The following SLC12A5 variants were observed in gnomAD, a reference collection of about 807,000 sequenced individuals.
SLC12A5 encodes K-Cl cotransporter 2.
SLC12A5 carries 18 observed loss-of-function variants against 124.0 expected under a neutral mutation model. The ratio of observed to expected loss-of-function variants is 0.15; its 90% CI spans 0.10 to 0.22. SLC12A5 has a LOEUF of 0.22. Ranked by LOEUF, SLC12A5 falls within the 10% of genes least tolerant of loss-of-function variation. The probability of loss-of-function intolerance (pLI) is 1.00; values close to 1 mark genes in which losing one functional copy is unlikely to be tolerated. For synonymous variants in SLC12A5, 589 were observed against 568.0 expected, an observed-to-expected ratio of 1.04 and a Z score of -0.53; for missense variants, 867 against 1,478.7, an observed-to-expected ratio of 0.59 and a Z score of 6.78.
chr20:46,025,651 G>A (rs1462862270), upstream of SLC12A5, among the ~76,000 whole-genome samples: 1 of 152,180 alleles, frequency 6.6e-6, no homozygotes, highest in Non-Finnish European at 1.5e-5. Flanking sequence ...TGTTGCTATG[G>A]TGATGGGGCT....
At chr20:46,033,753 T>C (rs2084473955) in intron 1 of SLC12A5, among the ~76,000 whole-genome samples, 1 of 152,174 alleles carries the variant, frequency 6.6e-6, no homozygotes. Flanking sequence ...GCAGACATTA[T>C]CCTAGGTTCT....
intron 1 of SLC12A5, among the ~76,000 whole-genome samples, chr20:46,022,377 G>A (rs944259187): frequency 1.4e-4 from 20 of 141,146 alleles, no homozygotes; most frequent in Non-Finnish European, 2.6e-4. Context: ...GACTAGTAGG[G>A]AATGAGTTGG....
intron 21 of SLC12A5, among the ~76,000 whole-genome samples, chr20:46,055,480 G>A (rs1031538165): frequency 2.0e-5 from 3 of 152,080 alleles, no homozygotes; most frequent in African/African-American, 7.2e-5. Context: ...AGGGGTAATG[G>A]TGATAAGCCC....
Position 46,049,758 on chromosome 20 carries a change from G to A in SLC12A5, c.2149G>A (p.Glu717Lys). 6.2e-7 allele frequency: 1 copy of A among 1,601,890 alleles called. No individual in the cohort carries two copies. The highest frequency in any genetic ancestry group is 8.5e-7 in the Non-Finnish European group (1 of 1,175,010). The change falls in exon 17 of 26, where the codon GAA (glutamate) becomes AAA (lysine). Residue 717 changes from glutamate to lysine, a missense_variant. Physicochemically the swap from Glu to Lys is moderately conservative, Grantham distance 56 (BLOSUM62 1). This residue lies in a region of SLC12A5 where 110 missense variants were observed against 149.9 expected (regional missense o/e 0.73). Transcript: ENST00000243964. The stretch of plus-strand genomic sequence containing the variant: ...CTCTGTCCTTGAGGGCACCTTTCTG[G>A]AAAATCATCCACAGGCCCAGCGGGC... ...VGSVLEGTFLENHPQAQRAEE... is the reference protein window; with the variant it reads ...VGSVLEGTFLKNHPQAQRAEE...
chr20:46,028,970 C>T, upstream of SLC12A5: 1 of 274,396 alleles, frequency 3.6e-6, no homozygotes, highest in Non-Finnish European at 6.2e-6. Context: ...AGGCCCTGTC[C>T]CCCGAAGCAC....
At chr20:46,041,238 C>T in intron 7 of SLC12A5, 91 bp from the exon 8 acceptor site, 4 of 1,066,508 alleles carry the variant, frequency 3.8e-6, no homozygotes, top group Admixed American at 4.1e-5. Flanking sequence ...ACCTGGCGTC[C>T]GTGTGTTTAA....
At chr20:46,049,538 G>T in intron 16 of SLC12A5, 84 bp from the exon 17 acceptor site, 1 of 1,503,884 alleles carries the variant, frequency 6.6e-7, no homozygotes, top group South Asian at 1.2e-5. Context: ...AGGAGAGATG[G>T]CTAGATGACC....
rs6074001 is a variant in SLC12A5, at chr20:46,051,640, C to G, written c.2182-35C>G. The stretch of plus-strand genomic sequence containing the variant: ...TGGGCCCAGCCAGGGCCAGGGAGGC[C>G]TGAGGCTGGTCCTTGTCTTTTCCCC... On this transcript the variant is annotated intron_variant, in intron 17 of 25. Transcript: ENST00000243964. The G allele has an allele frequency of 5.1e-6, 8 of 1,580,406 alleles. No homozygotes were observed. The South Asian group carries it at 7.0e-5, about 14-fold the overall frequency.
chr20:46,048,663 G>A (rs1284455217), intron 16 of SLC12A5, among the ~76,000 whole-genome samples: 1 of 152,072 alleles, frequency 6.6e-6, no homozygotes, highest in Non-Finnish European at 1.5e-5. Context: ...TTGAGGCCAG[G>A]GGTTTGAGAC....
chr20:46,039,363 G>A (rs1378622094), intron 6 of SLC12A5, among the ~76,000 whole-genome samples: 9 of 152,238 alleles, frequency 5.9e-5, no homozygotes, highest in African/African-American at 4.8e-5. Flanking sequence ...ACTAATATAC[G>A]TATATATCTT....
At chr20:46,031,204 AGT>A (rs972207232) in intron 1 of SLC12A5, among the ~76,000 whole-genome samples, 11 of 152,150 alleles carry the variant, frequency 7.2e-5, no homozygotes, top group African/African-American at 2.4e-4. Context: ...AAGAGGCATC[AGT>A]GTGTGTGAGG....
chr20:46,046,904 C>G (rs990141334), intron 14 of SLC12A5, among the ~76,000 whole-genome samples: 1 of 152,260 alleles, frequency 6.6e-6, no homozygotes, highest in African/African-American at 2.4e-5. Context: ...CTGTAGTTCT[C>G]TCATCATTTT....
rs113745212 is a variant in SLC12A5, at chr20:46,055,963, G to A, written c.2788-187G>A. On this transcript the variant is annotated intron_variant, in intron 21 of 25. Transcript: ENST00000243964. ...TTGCCAGATGAGGTCTGGGGTTCTG[G>A]AGAGGAGGTGGGGCAGGCAGATCAG... 847 of 748,452 alleles carry A rather than the reference G, an allele frequency of 1.1e-3. 6 individuals carry two copies. In the African/African-American group the frequency reaches 0.013, roughly 12 times the overall value. 46.4% of individuals were successfully genotyped at this position (748,452 alleles called of 1,614,324 possible). A position where few individuals can be genotyped will look rare whatever the true frequency, so the allele number is the denominator to read the frequency against.
Position 46,058,788 on chromosome 20 carries a change from C to T in SLC12A5, c.*1183C>T, listed in dbSNP as rs1001332584. The T allele has an allele frequency of 7.8e-5, 31 of 398,284 alleles. No individual in the cohort carries two copies. The highest frequency in any genetic ancestry group is 1.2e-4 in the Non-Finnish European group (27 of 226,098). The allele number at this position is 398,284 out of a possible 1,614,324, so 24.7% of individuals were successfully genotyped here. A position where few individuals can be genotyped will look rare whatever the true frequency, so the allele number is the denominator to read the frequency against. ...TAGGGGCCGGACCCACTGAGAGGCCCCAGAGCCGCCCGTGATGTTCCTCCC... is the reference window on the plus strand; with the variant it reads ...TAGGGGCCGGACCCACTGAGAGGCCTCAGAGCCGCCCGTGATGTTCCTCCC... On this transcript the variant is annotated 3_prime_UTR_variant, in exon 26 of 26. Coordinates refer to ENST00000243964, the MANE Select transcript of SLC12A5 (RefSeq NM_020708.5). This position sits in a 1 kb window ranked among gnomAD's most constrained non-coding sequence, Gnocchi z 5.8.
At chr20:46,035,358 C>T (rs199921679) in intron 2 of SLC12A5, 46 bp from the exon 3 acceptor site, 1,411 of 1,586,740 alleles carry the variant, frequency 8.9e-4, no homozygotes, top group Middle Eastern at 2.9e-3. Flanking sequence ...CCAGCTCACT[C>T]CACTTGCTCC....
At chr20:46,030,260 A>G (rs1189618663) in intron 1 of SLC12A5, among the ~76,000 whole-genome samples, 1 of 151,972 alleles carries the variant, frequency 6.6e-6, no homozygotes, top group African/African-American at 2.4e-5. Flanking sequence ...TAGCTTCCCC[A>G]GTGAGGCCTC....
chr20:46,035,140 C>G, intron 2 of SLC12A5, 98 bp downstream of exon 2: 1 of 1,249,580 alleles, frequency 8.0e-7, no homozygotes, highest in Non-Finnish European at 1.2e-6. Context: ...ACCCTCGTCT[C>G]CACCCCTCCC....
chr20:46,031,293 T>G (rs548402630), intron 1 of SLC12A5, among the ~76,000 whole-genome samples: 1 of 152,258 alleles, frequency 6.6e-6, no homozygotes, highest in African/African-American at 2.4e-5. Flanking sequence ...AGCGGACCCA[T>G]CTGGAGACCT....
In SLC12A5 at chr20:46,045,737, T is replaced by C. The variant is rs1428192069; in HGVS notation, c.1570-141T>C. ...AGCCTGTTATCCATTTGCATTCTCC[T>C]GGAGGAAGAGAAATGCATCCTCTCC... is the stretch of plus-strand genomic sequence containing the variant. On this transcript the variant is annotated intron_variant, in intron 12 of 25. Transcript: ENST00000243964. The surrounding 1 kb of genome is among the most constrained non-coding windows in gnomAD (Gnocchi z 4.9). 2 of 664,766 alleles carry C rather than the reference T, an allele frequency of 3.0e-6. No individual in the cohort carries two copies. The highest frequency in any genetic ancestry group is 2.6e-6 in the Non-Finnish European group (1 of 387,108). 41.2% of individuals were successfully genotyped at this position (664,766 alleles called of 1,614,324 possible).
Sources: allele counts gnomAD v4.1 joint callset (sites outside exome capture counted in the v4.1 genomes callset), GRCh38; gene constraint gnomAD v4.1.1; regional missense constraint gnomAD v4.1.1; non-coding constraint Gnocchi (gnomAD v3.1); transcripts MANE v1.5; gene names NCBI Gene and HGNC (gene_info 2026-07-23, HGNC 2026-07-21).